Variants in ROBO2 observed in about 807,000 individuals in gnomAD.
ROBO2 encodes the protein roundabout guidance receptor 2, also known as roundabout homolog 2.
ROBO2 carries 53 observed loss-of-function variants against 160.8 expected under a neutral mutation model. The ratio of observed to expected loss-of-function variants is 0.33; its 90% CI spans 0.26 to 0.41. The LOEUF (loss-of-function observed/expected upper bound fraction) is 0.41, where lower values mean the gene tolerates loss of function less well. Among genes scored for constraint, ROBO2 ranks in the 10% least tolerant of loss-of-function variants. The pLI is 1.00. For synonymous variants in ROBO2, 664 were observed against 611.7 expected, an observed-to-expected ratio of 1.09 and a Z score of -1.26; for missense variants, 1,577 against 1,722.4, an observed-to-expected ratio of 0.92 and a Z score of 1.49.
chr3:76,309,590 G>A (rs539812678), intron 2 of ROBO2, among the ~76,000 whole-genome samples: 36 of 152,216 alleles, frequency 2.4e-4, no homozygotes, highest in Admixed American at 1.1e-3. Context: ...ATTTGAAAGC[G>A]GTAATTTGTT....
chr3:76,391,672 C>T (rs1476481155), intron 2 of ROBO2, among the ~76,000 whole-genome samples: 1 of 152,062 alleles, frequency 6.6e-6, no homozygotes, highest in African/African-American at 2.4e-5. Context: ...GCTGCCAAAC[C>T]AGCTAATTTT....
At chr3:76,588,041 T>A (rs1298826271) in intron 2 of ROBO2, among the ~76,000 whole-genome samples, 3 of 152,178 alleles carry the variant, frequency 2.0e-5, no homozygotes, top group African/African-American at 7.2e-5. Context: ...ATAAAATTAA[T>A]GGGGTGTGTG....
At chr3:76,832,453 A>C (rs3911520) in intron 2 of ROBO2, among the ~76,000 whole-genome samples, 19,525 of 152,092 alleles carry the variant, frequency 0.13, 1,409 homozygotes, top group East Asian at 0.24. Context: ...ACACATAAAA[A>C]AACTGAGGAA....
chr3:77,414,295 T>C (rs377444786), intron 2 of ROBO2, among the ~76,000 whole-genome samples: 11 of 152,148 alleles, frequency 7.2e-5, no homozygotes, highest in African/African-American at 2.7e-4. Flanking sequence ...TAAAAGCAAT[T>C]TTCCTGGAGT....
chr3:76,393,542 T>A (rs1453424909), intron 2 of ROBO2, among the ~76,000 whole-genome samples: 4 of 152,320 alleles, frequency 2.6e-5, no homozygotes, highest in African/African-American at 9.6e-5. Flanking sequence ...TACTTCTATA[T>A]GAGTTCTTGC....
intron 2 of ROBO2, among the ~76,000 whole-genome samples, chr3:76,902,777 T>A (rs1171331737): frequency 1.3e-5 from 2 of 152,042 alleles, no homozygotes; most frequent in Non-Finnish European, 2.9e-5. Flanking sequence ...AAAGTTTATT[T>A]GGTATTGTAA....
At chr3:77,059,721 A>G (rs904892321) in intron 1 of ROBO2, among the ~76,000 whole-genome samples, 1 of 152,036 alleles carries the variant, frequency 6.6e-6, no homozygotes, top group Non-Finnish European at 1.5e-5. Context: ...TGAGAGATTG[A>G]CCAAAGTTTG....
At chr3:76,887,279 A>ATGTCAT (rs2073979088) in intron 2 of ROBO2, among the ~76,000 whole-genome samples, 1 of 135,764 alleles carries the variant, frequency 7.4e-6, no homozygotes, top group South Asian at 2.2e-4. Context: ...AAAATTAGCC[A>ATGTCAT]TGTCATTTTA....
chr3:76,726,741 C>T (rs1266769021), intron 2 of ROBO2, among the ~76,000 whole-genome samples: 1 of 152,102 alleles, frequency 6.6e-6, no homozygotes, highest in Non-Finnish European at 1.5e-5. Flanking sequence ...TTTCCCAAGC[C>T]TTGTTTATTT....
At chr3:77,201,837 G>A (rs577343898) in intron 2 of ROBO2, among the ~76,000 whole-genome samples, 1 of 152,236 alleles carries the variant, frequency 6.6e-6, no homozygotes, top group South Asian at 2.1e-4. Flanking sequence ...TCTACAGTAA[G>A]AAACGGTGAG....
chr3:76,472,449 G>A lies in ROBO2; in HGVS notation c.109+534847G>A, dbSNP rs966788810. Among the ~76,000 whole-genome samples, 7 of 151,948 alleles carry A rather than the reference G, an allele frequency of 4.6e-5. No individual in the cohort carries two copies. The South Asian group carries it at 6.2e-4, about 13-fold the overall frequency. On this transcript the variant is annotated intron_variant, in intron 2 of 26. Coordinates refer to the ROBO2 transcript ENST00000487694. ...GAAATTTGTTACGCAAAGGAATGCC[G>A]ACTGCAATCCTCATCCTACTATCTA... is the stretch of plus-strand genomic sequence containing the variant.
At chr3:76,738,829 T>C (rs1666010634) in intron 2 of ROBO2, among the ~76,000 whole-genome samples, 1 of 117,412 alleles carries the variant, frequency 8.5e-6, no homozygotes, top group Non-Finnish European at 1.7e-5. Context: ...TATTTCTGTT[T>C]TCTCTTGATT....
chr3:77,378,474 G>T (rs1201238077), intron 2 of ROBO2, among the ~76,000 whole-genome samples: 2 of 152,090 alleles, frequency 1.3e-5, no homozygotes, highest in African/African-American at 2.4e-5. Flanking sequence ...CAGGACATTT[G>T]GCTCCAGTGT....
intron 2 of ROBO2, among the ~76,000 whole-genome samples, chr3:77,327,978 G>T (rs1467206304): frequency 1.3e-5 from 2 of 148,596 alleles, no homozygotes; most frequent in Non-Finnish European, 3.0e-5. Context: ...TTGAACCTGG[G>T]AGACGGAGAC....
intron 2 of ROBO2, among the ~76,000 whole-genome samples, chr3:76,597,388 C>CA (rs1175832797): frequency 2.0e-5 from 3 of 151,352 alleles, no homozygotes; most frequent in Non-Finnish European, 4.4e-5. Context: ...GAAGGTATAC[C>CA]AAAAAATCTC....
chr3:77,078,443 G>A (rs1314208781), intron 1 of ROBO2, among the ~76,000 whole-genome samples: 1 of 152,116 alleles, frequency 6.6e-6, no homozygotes, highest in Admixed American at 6.6e-5. Context: ...TTAGCAATTT[G>A]CCCACAGTTA....
In ROBO2 at chr3:75,949,542, A is replaced by C. The variant is rs565488966; in HGVS notation, c.109+11940A>C. ...GGATTGAAATGTTCACTCAACATGGACTGGTAGGATTTTTTTTTCCTTAAA... is the reference window on the plus strand; with the variant it reads ...GGATTGAAATGTTCACTCAACATGGCCTGGTAGGATTTTTTTTTCCTTAAA... On this transcript the variant is annotated intron_variant, in intron 2 of 26. Coordinates refer to the ROBO2 transcript ENST00000487694. Among the ~76,000 whole-genome samples the C allele has an allele frequency of 9.2e-5, 14 of 152,200 alleles. No homozygotes were observed. The South Asian group carries it at 2.9e-3, about 32-fold the overall frequency.
At chr3:76,833,775 C>T (rs2067287943) in intron 2 of ROBO2, among the ~76,000 whole-genome samples, 1 of 152,120 alleles carries the variant, frequency 6.6e-6, no homozygotes, top group Non-Finnish European at 1.5e-5. Flanking sequence ...TGGTAAGTGC[C>T]CACAGGGACA....
intron 2 of ROBO2, among the ~76,000 whole-genome samples, chr3:77,268,084 T>G (rs963210502): frequency 6.6e-6 from 1 of 152,218 alleles, no homozygotes; most frequent in Non-Finnish European, 1.5e-5. Context: ...AGGGTTGCTT[T>G]GAGCTTGCTG....
Sources: gnomAD v4.1 joint callset for allele counts (sites outside exome capture counted in the v4.1 genomes callset) on GRCh38, gnomAD v4.1.1 for gene constraint, MANE v1.5 for transcripts, NCBI Gene and HGNC (gene_info 2026-07-23, HGNC 2026-07-21) for gene names.